The following MREG variants were observed in gnomAD, a reference collection of about 807,000 sequenced individuals.
The protein encoded by MREG is melanoregulin.
MREG carries 31 observed loss-of-function variants against 28.5 expected under a neutral mutation model. The observed-to-expected ratio is 1.09, with a 90% CI of 0.82 to 1.47. The LOEUF (loss-of-function observed/expected upper bound fraction) is 1.47. Among genes scored for constraint, MREG ranks in the 40% most tolerant of loss-of-function variants. The pLI is 0.00. For missense variants in MREG, 256 were observed against 257.4 expected, an observed-to-expected ratio of 0.99 and a Z score of 0.04; for synonymous variants, 106 against 95.2, an observed-to-expected ratio of 1.11 and a Z score of -0.66.
chr2:215,992,528 G>A (rs12997248), intron 2 of MREG, among the ~76,000 whole-genome samples: 1 of 151,958 alleles, frequency 6.6e-6, no homozygotes, highest in African/African-American at 2.4e-5. Flanking sequence ...CCTCTCTCAC[G>A]ACTCCTATTC....
At chr2:215,950,514 C>G (rs1692454761) in intron 2 of MREG, among the ~76,000 whole-genome samples, 1 of 152,140 alleles carries the variant, frequency 6.6e-6, no homozygotes, top group Admixed American at 6.5e-5. Flanking sequence ...CCCACCTTCC[C>G]CTACCATGGT....
chr2:215,955,314 C>T (rs1011246042), intron 2 of MREG, among the ~76,000 whole-genome samples: 1 of 152,132 alleles, frequency 6.6e-6, no homozygotes, highest in African/African-American at 2.4e-5. Context: ...CCTGCATGTG[C>T]CTTAAAACTT....
chr2:215,960,607 G>A lies in MREG; in HGVS notation c.256-13494C>T, dbSNP rs536779877. ...TCCCAGCACTTTGGGAGGCTGAGGC[G>A]GGCGGATCACAAGGTCAGGAGATCG... On this transcript the variant is annotated intron_variant, in intron 2 of 4. Coordinates refer to ENST00000263268, the MANE Select transcript of MREG (RefSeq NM_018000.3). 1.3e-3 allele frequency among the ~76,000 whole-genome samples: 193 copies of A among 152,066 alleles called. 1 individual carries two copies. Among genetic ancestry groups the A allele is most frequent in the Admixed American group, 3.6e-3 (55 of 15,282 alleles).
rs552284540 is a variant in MREG at position 215,952,891 on chromosome 2, A to G, written c.256-5778T>C. ...TTATACTTCCAATTTCTCATATGTTAACTTTAAACTTCCTTGTACTCCCTC... is the reference window on the plus strand; with the variant it reads ...TTATACTTCCAATTTCTCATATGTTGACTTTAAACTTCCTTGTACTCCCTC... On this transcript the variant is annotated intron_variant, in intron 2 of 4. Transcript: ENST00000263268. Among the ~76,000 whole-genome samples the G allele has an allele frequency of 1.2e-4, 19 of 152,264 alleles. 1 individual carries two copies. Among genetic ancestry groups the G allele is most frequent in the African/African-American group, 4.6e-4 (19 of 41,544 alleles).
At chr2:215,974,754 G>T (rs1164305169) in intron 2 of MREG, among the ~76,000 whole-genome samples, 1 of 151,372 alleles carries the variant, frequency 6.6e-6, no homozygotes, top group Non-Finnish European at 1.5e-5. Flanking sequence ...TCGCCTTTCT[G>T]CTTTATCTAC....
chr2:215,967,029 C>T (rs1432818547), intron 2 of MREG, among the ~76,000 whole-genome samples: 1 of 152,176 alleles, frequency 6.6e-6, no homozygotes, highest in African/African-American at 2.4e-5. Flanking sequence ...ACGCTGATGC[C>T]AAAAGCCTCA....
chr2:215,994,624 A>G (rs1693814221), intron 2 of MREG, among the ~76,000 whole-genome samples: 2 of 137,202 alleles, frequency 1.5e-5, no homozygotes, highest in Admixed American at 1.5e-4. Context: ...GAAGAAGAGA[A>G]GAAGGAGGGG....
chr2:215,988,658 GC>G (rs1693645212), intron 2 of MREG, among the ~76,000 whole-genome samples: 1 of 152,228 alleles, frequency 6.6e-6, no homozygotes. Flanking sequence ...AATTCTCGCT[GC>G]CAGCACAGCA....
chr2:215,968,928 T>G (rs1002046826), intron 2 of MREG, among the ~76,000 whole-genome samples: 5 of 152,074 alleles, frequency 3.3e-5, no homozygotes, highest in Admixed American at 6.5e-5. Context: ...GCTAATTTTG[T>G]TTTTATTTTT....
chr2:216,018,541 T>G (rs1300404383), upstream of MREG, among the ~76,000 whole-genome samples: 2 of 152,142 alleles, frequency 1.3e-5, no homozygotes, highest in Non-Finnish European at 2.9e-5. Context: ...GCTGCCCACA[T>G]CCAGCAGAGA....
intron 2 of MREG, among the ~76,000 whole-genome samples, chr2:215,979,482 T>A (rs867668230): frequency 0.036 from 5,084 of 141,794 alleles, 392 homozygotes; most frequent in African/African-American, 0.13. Context: ...ATAATAATAA[T>A]AATAATAATA....
rs560227265 is a variant in MREG at position 215,989,448 on chromosome 2, C to CA, written c.255+6857dup. On this transcript the variant is annotated intron_variant, in intron 2 of 4. Transcript: ENST00000263268. Reference sequence around the variant, plus strand: ...TCCCCGAAGATGAGGAAGACCAGTGCAAAAAGGCTGGAAAGTCCAAAAACC... The same window carrying CA: ...TCCCCGAAGATGAGGAAGACCAGTGCAAAAAAGGCTGGAAAGTCCAAAAACC... Among the ~76,000 whole-genome samples, 4 of 152,240 alleles carry CA rather than the reference C, an allele frequency of 2.6e-5. No homozygotes were observed. The South Asian group carries it at 8.3e-4, about 32-fold the overall frequency.
upstream of MREG, among the ~76,000 whole-genome samples, chr2:216,016,210 G>A (rs1574658489): frequency 1.3e-5 from 2 of 152,168 alleles, no homozygotes; most frequent in African/African-American, 4.8e-5. Context: ...ACACCATGTC[G>A]CTTACCACTT....
At chr2:215,963,640 C>T (rs754366155) in intron 2 of MREG, among the ~76,000 whole-genome samples, 35 of 152,212 alleles carry the variant, frequency 2.3e-4, no homozygotes, top group Non-Finnish European at 4.3e-4. Flanking sequence ...CTGATCCACA[C>T]AACATTATAC....
At chr2:215,994,197 T>G (rs976070167) in intron 2 of MREG, among the ~76,000 whole-genome samples, 3 of 151,806 alleles carry the variant, frequency 2.0e-5, no homozygotes, top group African/African-American at 7.3e-5. Flanking sequence ...ATAAAGAAAA[T>G]GTGGCACATA....
intron 1 of MREG, among the ~76,000 whole-genome samples, chr2:216,000,202 G>C (rs1693980514): frequency 6.6e-6 from 1 of 152,144 alleles, no homozygotes. Context: ...TTGCAGATAG[G>C]GACAAGAATA....
intron 2 of MREG, among the ~76,000 whole-genome samples, chr2:215,983,757 C>T (rs1693491846): frequency 6.6e-6 from 1 of 152,184 alleles, no homozygotes; most frequent in African/African-American, 2.4e-5. Context: ...AGAGATCACT[C>T]CAGCCACACA....
chr2:215,998,907 A>AT (rs59061156), intron 1 of MREG, among the ~76,000 whole-genome samples: 19,342 of 152,096 alleles, frequency 0.13, 1,809 homozygotes, highest in East Asian at 0.3. Context: ...AGATCAGTAC[A>AT]TTTTTTTAAA....
rs73072158 is a variant in MREG at position 215,964,455 on chromosome 2, G to A, written c.256-17342C>T. On this transcript the variant is annotated intron_variant, in intron 2 of 4. Transcript: ENST00000263268. ...GCCAAGATTACACCACCGCACGCTA[G>A]CCTGGATGACAGTAAGACTCTGTCT... Among the ~76,000 whole-genome samples, 560 of 150,872 alleles carry A rather than the reference G, an allele frequency of 3.7e-3. 3 individuals carry two copies. The highest frequency in any genetic ancestry group is 0.012 in the African/African-American group (490 of 40,988).
Sources: gnomAD v4.1 joint callset for allele counts (sites outside exome capture counted in the v4.1 genomes callset) on GRCh38, gnomAD v4.1.1 for gene constraint, MANE v1.5 for transcripts, NCBI Gene and HGNC (gene_info 2026-07-23, HGNC 2026-07-21) for gene names.